Variants in TENM2 observed in about 807,000 individuals in gnomAD.
The protein encoded by TENM2 is teneurin transmembrane protein 2.
TENM2 carries 52 observed loss-of-function variants against 245.2 expected under a neutral mutation model. The observed-to-expected ratio is 0.21, with a 90% confidence interval of 0.17 to 0.27. The LOEUF is 0.27. Ranked by LOEUF, TENM2 falls within the 10% of genes least tolerant of loss-of-function variation. The pLI, the probability that TENM2 is intolerant of heterozygous loss-of-function variation, is 1.00. For synonymous variants in TENM2, 1,363 were observed against 1,438.9 expected, an observed-to-expected ratio of 0.95 and a Z score of 1.19; for missense variants, 3,046 against 3,666.8, an observed-to-expected ratio of 0.83 and a Z score of 4.37.
At chr5:167,534,825 G>C (rs950331679) in intron 2 of TENM2, among the ~76,000 whole-genome samples, 1 of 152,110 alleles carries the variant, frequency 6.6e-6, no homozygotes, top group Non-Finnish European at 1.5e-5. Context: ...ATTCTGTCCT[G>C]TCACTCCAGT....
intron 2 of TENM2, among the ~76,000 whole-genome samples, chr5:167,807,624 TAAAA>T (rs11287928): frequency 0.1 from 14,890 of 149,622 alleles, 791 homozygotes; most frequent in East Asian, 0.11. Flanking sequence ...GCATTTTTTT[TAAAA>T]AAAAAAAAAA....
the TENM2 span, among the ~76,000 whole-genome samples, chr5:167,086,485 G>C: frequency 1.3e-5 from 2 of 152,050 alleles, no homozygotes; most frequent in African/African-American, 2.4e-5. Flanking sequence ...TTGTATCTTC[G>C]TAAATACTCA....
At chr5:167,478,720 A>G (rs1767557077) in intron 2 of TENM2, among the ~76,000 whole-genome samples, 1 of 152,196 alleles carries the variant, frequency 6.6e-6, no homozygotes, top group African/African-American at 2.4e-5. Flanking sequence ...AAGCACAGCT[A>G]TGGAAGATAT....
At chr5:167,614,804 T>A (rs1189604025) in intron 2 of TENM2, among the ~76,000 whole-genome samples, 1 of 152,128 alleles carries the variant, frequency 6.6e-6, no homozygotes, top group Non-Finnish European at 1.5e-5. Context: ...CTTCATGCGA[T>A]CTCTGTCCCC....
intron 2 of TENM2, among the ~76,000 whole-genome samples, chr5:167,849,343 T>C (rs943731127): frequency 2.6e-5 from 4 of 152,134 alleles, no homozygotes; most frequent in Non-Finnish European, 5.9e-5. Context: ...AAAAAAATTG[T>C]TTTTCCCCAC....
intron 2 of TENM2, among the ~76,000 whole-genome samples, chr5:167,465,673 CA>C (rs377339773): frequency 7.2e-5 from 11 of 151,808 alleles, no homozygotes; most frequent in Non-Finnish European, 1.5e-4. Flanking sequence ...ACTAATAATA[CA>C]AAAAAAATTA....
intron 13 of TENM2, chr5:168,165,199 A>AAGTC (rs2152456938): frequency 6.6e-6 from 1 of 152,266 alleles, no homozygotes; most frequent in African/African-American, 2.4e-5. Context: ...AGCCAAAGAG[A>AAGTC]AGTCACTTTA....
intron 2 of TENM2, among the ~76,000 whole-genome samples, chr5:167,860,576 C>G (rs1156485727): frequency 9.3e-6 from 1 of 107,620 alleles, no homozygotes; most frequent in African/African-American, 4.3e-5. Context: ...GCCAGGATGA[C>G]AATGGCGGCT....
chr5:167,242,783 T>A, the TENM2 span, among the ~76,000 whole-genome samples: 1 of 152,208 alleles, frequency 6.6e-6, no homozygotes, highest in Non-Finnish European at 1.5e-5. Context: ...GTAGGCTATT[T>A]GTAGTTAAGT....
At chr5:168,195,222 C>A (rs762237261) in exon 15 of TENM2, 11 of 1,608,516 alleles carry the variant, frequency 6.8e-6, no homozygotes, top group Non-Finnish European at 9.3e-6. Flanking sequence ...AGATGGAACT[C>A]CCCTGGTCGG....
At chr5:167,701,803 A>C (rs1265131003) in intron 2 of TENM2, among the ~76,000 whole-genome samples, 2 of 152,170 alleles carry the variant, frequency 1.3e-5, no homozygotes, top group Non-Finnish European at 2.9e-5. Context: ...GCATTGCTGT[A>C]TAAGTATTTT....
the TENM2 span, among the ~76,000 whole-genome samples, chr5:167,133,680 G>A: frequency 1.3e-5 from 2 of 150,976 alleles, no homozygotes; most frequent in African/African-American, 4.9e-5. Flanking sequence ...TTTCCTGCTG[G>A]ATTTGGTTTG....
chr5:167,361,399 CTT>C (rs1193556706), intron 1 of TENM2, among the ~76,000 whole-genome samples: 1 of 152,164 alleles, frequency 6.6e-6, no homozygotes, highest in East Asian at 1.9e-4. Flanking sequence ...AAACTTATCT[CTT>C]TGCTATGTAT....
chr5:167,410,524 G>C (rs1322990719), intron 2 of TENM2, among the ~76,000 whole-genome samples: 1 of 149,440 alleles, frequency 6.7e-6, no homozygotes, highest in Non-Finnish European at 1.5e-5. Flanking sequence ...AATTATTATA[G>C]AGAATTCAGC....
the TENM2 span, among the ~76,000 whole-genome samples, chr5:167,033,150 T>C: frequency 6.6e-6 from 1 of 152,208 alleles, no homozygotes. Context: ...AAGGACAAGA[T>C]GCAGGTTAGT....
chr5:167,136,393 G>A, the TENM2 span, among the ~76,000 whole-genome samples: 3 of 152,128 alleles, frequency 2.0e-5, no homozygotes, highest in Non-Finnish European at 4.4e-5. Flanking sequence ...AGAAGTAATG[G>A]CAATGCCACC....
intron 25 of TENM2, among the ~76,000 whole-genome samples, chr5:168,238,153 AAGAAAGAGAG>A (rs1765677904): frequency 9.8e-6 from 1 of 101,858 alleles, no homozygotes; most frequent in Non-Finnish European, 1.8e-5. Context: ...TCAAGAAAGA[AAGAAAGAGAG>A]AGAGAGAGAG....
chr5:167,548,016 A>C (rs1373599952), intron 2 of TENM2, among the ~76,000 whole-genome samples: 2 of 152,244 alleles, frequency 1.3e-5, no homozygotes, highest in Non-Finnish European at 1.5e-5. Context: ...TAAAGGAATA[A>C]GAACTCTGGT....
At chr5:168,198,188 CTTTTTTTTTT>C (rs35539116) in intron 15 of TENM2, among the ~76,000 whole-genome samples, 1 of 95,834 alleles carries the variant, frequency 1.0e-5, no homozygotes, top group African/African-American at 4.7e-5. Flanking sequence ...CCAATGAACC[CTTTTTTTTTT>C]TTTTTTTTTT....
Sources: allele counts gnomAD v4.1 joint callset (sites outside exome capture counted in the v4.1 genomes callset), GRCh38; gene constraint gnomAD v4.1.1; transcripts MANE v1.5; gene names NCBI Gene and HGNC (gene_info 2026-07-23, HGNC 2026-07-21).